FRMD4A: variants seen among roughly 807,000 people sequenced by gnomAD.
The protein encoded by FRMD4A is FERM domain-containing protein 4A.
In FRMD4A, 29 loss-of-function variants were observed where a neutral mutation model predicts 129.1. The ratio of observed to expected loss-of-function variants is 0.22; its 90% CI spans 0.17 to 0.31. The LOEUF (loss-of-function observed/expected upper bound fraction) is 0.31. FRMD4A is among the 10% of genes least tolerant of loss of function. FRMD4A has a pLI of 1.00. For missense variants in FRMD4A, 1,272 were observed against 1,375.8 expected (o/e 0.92, Z 1.19); for synonymous variants, 634 against 571.6 (o/e 1.11, Z -1.56).
At position 13,665,985 on chromosome 10, in the gene FRMD4A, C is replaced by T. The variant is rs909618265; in HGVS notation, c.1603+112G>A. ...TTTATGGATGGACAAATGAAGGCAG[C>T]GGACAGTTAGGCAGCTGCTCAGGTC... On this transcript the variant is annotated intron_variant, in intron 18 of 24. Coordinates refer to ENST00000357447, the MANE Select transcript of FRMD4A (RefSeq NM_018027.5). 2.8e-4 allele frequency: 192 copies of T among 693,426 alleles called. 1 individual carries two copies. In the South Asian group the frequency reaches 2.9e-3, roughly 10 times the overall value. The allele number at this position is 693,426 out of a possible 1,614,324, so 43.0% of individuals were successfully genotyped here.
intron 3 of FRMD4A, among the ~76,000 whole-genome samples, chr10:13,833,811 A>G (rs2093828494): frequency 6.6e-6 from 1 of 152,124 alleles, no homozygotes. Context: ...TCATTCCCAT[A>G]TTAAAGGTCA....
chr10:14,152,797 A>C (rs913950165), intron 2 of FRMD4A, among the ~76,000 whole-genome samples: 1 of 152,054 alleles, frequency 6.6e-6, no homozygotes, highest in African/African-American at 2.4e-5. Context: ...CTATGATTGC[A>C]CCACTGCACT....
At chr10:14,083,239 C>A (rs948349499) in intron 2 of FRMD4A, 1 of 152,254 alleles carries the variant, frequency 6.6e-6, no homozygotes, top group Non-Finnish European at 1.5e-5. Context: ...TGAGCTCTTA[C>A]TCTTTCCTCA....
intron 3 of FRMD4A, among the ~76,000 whole-genome samples, chr10:13,848,380 G>A (rs1351060489): frequency 1.3e-5 from 2 of 151,590 alleles, no homozygotes; most frequent in Non-Finnish European, 2.9e-5. Context: ...CCAAATATTG[G>A]CAATTTCAAA....
intron 2 of FRMD4A, among the ~76,000 whole-genome samples, chr10:14,276,871 GTATT>G (rs1295880589): frequency 2.0e-5 from 3 of 152,014 alleles, no homozygotes; most frequent in Admixed American, 2.0e-4. Flanking sequence ...TGTTATTTAA[GTATT>G]TATTTATTTG....
rs916825845 is a variant in FRMD4A, at chr10:14,329,919, G to C, written c.45+139C>G. On this transcript the variant is annotated intron_variant, in intron 2 of 24. Coordinates refer to ENST00000357447, the MANE Select transcript of FRMD4A (RefSeq NM_018027.5). ...CATGCTGATACTCTGACCCAAGAAA[G>C]CATTTCCAAAGAGCCTGCGGGATAA... The C allele has an allele frequency of 1.2e-5, 9 of 766,606 alleles. No homozygotes were observed. In the Admixed American group the frequency reaches 1.8e-4, roughly 15 times the overall value. The allele number at this position is 766,606 out of a possible 1,614,324, so 47.5% of individuals were successfully genotyped here.
intron 2 of FRMD4A, among the ~76,000 whole-genome samples, chr10:13,914,356 A>G (rs1012601812): frequency 3.9e-5 from 6 of 152,232 alleles, no homozygotes; most frequent in Non-Finnish European, 5.9e-5. Context: ...CGTATCCAAT[A>G]TGCTGATGAT....
At chr10:13,848,608 A>G (rs61833447) in intron 3 of FRMD4A, among the ~76,000 whole-genome samples, 4 of 69,668 alleles carry the variant, frequency 5.7e-5, no homozygotes, top group Non-Finnish European at 1.4e-4. Context: ...GTGTGTGTGT[A>G]CGTGTGTGTG....
At chr10:13,717,392 C>A (rs897736341) in intron 12 of FRMD4A, among the ~76,000 whole-genome samples, 4 of 152,130 alleles carry the variant, frequency 2.6e-5, no homozygotes, top group Non-Finnish European at 5.9e-5. Context: ...CGGTTCAGAG[C>A]AACCTCTACT....
At chr10:13,926,042 C>T (rs891742844) in intron 2 of FRMD4A, among the ~76,000 whole-genome samples, 5 of 152,104 alleles carry the variant, frequency 3.3e-5, no homozygotes, top group African/African-American at 7.2e-5. Flanking sequence ...GTCTGTTCAT[C>T]GTGTGTGGTT....
At chr10:13,659,758 T>A (rs2082482551) in intron 20 of FRMD4A, among the ~76,000 whole-genome samples, 1 of 151,996 alleles carries the variant, frequency 6.6e-6, no homozygotes, top group South Asian at 2.1e-4. Flanking sequence ...ACAGTTTTTG[T>A]TTTCCAAGAA....
intron 15 of FRMD4A, chr10:13,684,804 G>A (rs998115811): frequency 1.8e-5 from 18 of 982,246 alleles, no homozygotes; most frequent in South Asian, 4.7e-5. Flanking sequence ...ATGCTCCAAA[G>A]AAGAAAGGAA....
intron 2 of FRMD4A, among the ~76,000 whole-genome samples, chr10:14,032,634 G>C (rs1833300641): frequency 6.6e-6 from 1 of 152,296 alleles, no homozygotes; most frequent in Admixed American, 6.5e-5. Flanking sequence ...GCGCCAGCAA[G>C]GGGGAGCTGC....
At position 13,974,451 on chromosome 10, in the gene FRMD4A, C is replaced by T. The variant is rs560798682; in HGVS notation, c.46-115539G>A. On this transcript the variant is annotated intron_variant, in intron 2 of 24. Transcript: ENST00000357447. ...CCATGGAAGCTCGGGGTGACAGTGC[C>T]GTTGGAGGATGCTGCCTGATTTCAC... Among the ~76,000 whole-genome samples the T allele has an allele frequency of 2.0e-4, 31 of 152,206 alleles. No individual in the cohort carries two copies. The South Asian group carries it at 6.4e-3, about 32-fold the overall frequency.
At chr10:14,236,168 G>A (rs1843807481) in intron 2 of FRMD4A, among the ~76,000 whole-genome samples, 1 of 152,214 alleles carries the variant, frequency 6.6e-6, no homozygotes, top group Non-Finnish European at 1.5e-5. Context: ...AGACATCAGA[G>A]TAAAACCCTT....
chr10:14,224,797 C>A (rs1843381495), intron 2 of FRMD4A, among the ~76,000 whole-genome samples: 1 of 152,166 alleles, frequency 6.6e-6, no homozygotes, highest in Non-Finnish European at 1.5e-5. Flanking sequence ...ATTTCACTGG[C>A]CTGAAGCTAT....
At chr10:13,813,615 C>T (rs1345475293) in intron 3 of FRMD4A, among the ~76,000 whole-genome samples, 1 of 152,188 alleles carries the variant, frequency 6.6e-6, no homozygotes. Flanking sequence ...TAAACACTGC[C>T]ACTGGCCTAC....
chr10:14,221,297 G>A (rs923375097), intron 2 of FRMD4A, among the ~76,000 whole-genome samples: 1 of 152,200 alleles, frequency 6.6e-6, no homozygotes, highest in East Asian at 1.9e-4. Context: ...AGGGATAACT[G>A]CTCCATCTGT....
chr10:13,741,152 A>C (rs2090980252), intron 9 of FRMD4A, among the ~76,000 whole-genome samples: 1 of 152,136 alleles, frequency 6.6e-6, no homozygotes. Context: ...ATCAAGAAAT[A>C]TAAGACTGGA....
Sources: allele counts gnomAD v4.1 joint callset (sites outside exome capture counted in the v4.1 genomes callset), GRCh38; gene constraint gnomAD v4.1.1; transcripts MANE v1.5; gene names NCBI Gene and HGNC (gene_info 2026-07-23, HGNC 2026-07-21).